CNTN6: variants seen among roughly 807,000 people sequenced by gnomAD.
CNTN6 encodes contactin 6.
CNTN6 carries 137 observed loss-of-function variants against 122.8 expected under a neutral mutation model. The observed-to-expected ratio is 1.12, with a 90% CI of 0.97 to 1.29. The LOEUF (loss-of-function observed/expected upper bound fraction) is 1.29. Among genes scored for constraint, CNTN6 ranks in the 50% most tolerant of loss-of-function variants. CNTN6 has a pLI of 0.00. For synonymous variants in CNTN6, 570 were observed against 426.0 expected (o/e 1.34, Z -4.16); for missense variants, 1,634 against 1,223.4 (o/e 1.34, Z -5.01).
At chr3:1,342,098 A>T (rs1215781194) in intron 11 of CNTN6, among the ~76,000 whole-genome samples, 1 of 152,042 alleles carries the variant, frequency 6.6e-6, no homozygotes, top group Non-Finnish European at 1.5e-5. Context: ...AAAAAAAAGT[A>T]ACATAAAAGT....
intron 4 of CNTN6, among the ~76,000 whole-genome samples, chr3:1,274,949 A>AC (rs1692046348): frequency 6.6e-6 from 1 of 152,032 alleles, no homozygotes; most frequent in South Asian, 2.1e-4. Flanking sequence ...TTCCCAAATG[A>AC]CCACCCAACG....
chr3:1,298,168 A>T, intron 7 of CNTN6, 177 bp downstream of exon 7: 1 of 549,406 alleles, frequency 1.8e-6, no homozygotes, highest in East Asian at 3.0e-5. Flanking sequence ...TGAGACAATG[A>T]CCAGGCCTGT....
intron 4 of CNTN6, among the ~76,000 whole-genome samples, chr3:1,254,028 A>G (rs1248606984): frequency 6.6e-6 from 1 of 152,200 alleles, no homozygotes; most frequent in East Asian, 1.9e-4. Context: ...ATTTTTCTTT[A>G]AAATTTTTAA....
Position 1,367,530 on chromosome 3 carries a change from A to G in CNTN6, c.1493-4769A>G, listed in dbSNP as rs890452307. Among the ~76,000 whole-genome samples the G allele has an allele frequency of 5.9e-5, 9 of 151,852 alleles. No individual in the cohort carries two copies. In the East Asian group the frequency reaches 1.4e-3, roughly 23 times the overall value. On this transcript the variant is annotated intron_variant, in intron 12 of 22. Coordinates refer to ENST00000446702, the MANE Select transcript of CNTN6 (RefSeq NM_001289080.2). ...TTACCTCTCAATTTGTGTTTTGTAC[A>G]TACTAAACACAAATTGAGAGGTAAA...
At chr3:1,315,730 C>T (rs1182001475) in intron 7 of CNTN6, among the ~76,000 whole-genome samples, 1 of 151,916 alleles carries the variant, frequency 6.6e-6, no homozygotes, top group Non-Finnish European at 1.5e-5. Context: ...AGAAAAAGGT[C>T]CTCCACACCC....
At chr3:1,282,338 A>T (rs1693610899) in intron 5 of CNTN6, among the ~76,000 whole-genome samples, 1 of 152,240 alleles carries the variant, frequency 6.6e-6, no homozygotes, top group South Asian at 2.1e-4. Context: ...CGGAAAGGTT[A>T]TTCTAGCAGA....
At chr3:1,370,631 C>G (rs1357701720) in intron 12 of CNTN6, among the ~76,000 whole-genome samples, 5 of 152,062 alleles carry the variant, frequency 3.3e-5, no homozygotes, top group African/African-American at 1.2e-4. Flanking sequence ...AGGTGGATCA[C>G]TTGATGTCAG....
At chr3:1,177,882 T>C (rs932134711) in intron 2 of CNTN6, among the ~76,000 whole-genome samples, 8 of 147,788 alleles carry the variant, frequency 5.4e-5, no homozygotes, top group African/African-American at 2.0e-4. Context: ...TTTCTTAAAC[T>C]CCCCCTGCCC....
intron 2 of CNTN6, among the ~76,000 whole-genome samples, chr3:1,172,364 CAAGA>C (rs147043469): frequency 0.015 from 2,312 of 152,182 alleles, 56 homozygotes; most frequent in African/African-American, 0.051. Flanking sequence ...AGGAGGAAAA[CAAGA>C]AAGAAGGGAA....
intron 11 of CNTN6, among the ~76,000 whole-genome samples, chr3:1,341,651 G>A (rs1407765450): frequency 1.3e-5 from 2 of 152,110 alleles, no homozygotes; most frequent in Non-Finnish European, 2.9e-5. Context: ...TGTTTGTGTT[G>A]CGTCAGCCAC....
chr3:1,329,840 T>C lies in CNTN6; in HGVS notation c.1269T>C (p.Val423=), dbSNP rs1702042090. 6.2e-7 allele frequency: 1 copy of C among 1,610,766 alleles called. No homozygotes were observed. The highest frequency in any genetic ancestry group is 1.7e-5 in the Admixed American group (1 of 59,662). The change falls in exon 11 of 23, where the codon GTT becomes GTC. Residue 423 remains valine, a synonymous_variant. Transcript: ENST00000446702. ...TTAAAAAAAAGTCTTTTGTTCAAGT[T>C]GGTGGGGATATTGTTATCGGATGCA... ...SPVKKKSFVQ[V]GGDIVIGCKP...
rs114226674 is a variant in CNTN6, at chr3:1,292,403, A to G, written c.455-3198A>G. ...ATCTCTTGATAAACTTGATATTTTTAATTCCTCTTTCAATAATGGGTGCTC... is the reference window on the plus strand; with the variant it reads ...ATCTCTTGATAAACTTGATATTTTTGATTCCTCTTTCAATAATGGGTGCTC... On this transcript the variant is annotated intron_variant, in intron 5 of 22. Transcript: ENST00000446702. 4.5e-3 allele frequency among the ~76,000 whole-genome samples: 679 copies of G among 152,096 alleles called. 5 individuals carry two copies. The highest frequency in any genetic ancestry group is 0.016 in the African/African-American group (652 of 41,486).
intron 1 of CNTN6, among the ~76,000 whole-genome samples, chr3:1,143,215 C>A (rs1040317598): frequency 6.6e-6 from 1 of 151,796 alleles, no homozygotes; most frequent in African/African-American, 2.4e-5. Flanking sequence ...TTTTTAATTG[C>A]AAGAAAAGTG....
intron 12 of CNTN6, among the ~76,000 whole-genome samples, chr3:1,353,823 ATCT>A (rs143789683): frequency 0.028 from 4,315 of 151,786 alleles, 220 homozygotes; most frequent in African/African-American, 0.099. Context: ...TTGCAGTTAA[ATCT>A]TCTAGGTATG....
At chr3:1,167,354 G>GTTAC (rs2093274935) in intron 2 of CNTN6, among the ~76,000 whole-genome samples, 1 of 152,110 alleles carries the variant, frequency 6.6e-6, no homozygotes, top group Admixed American at 6.6e-5. Context: ...TTACCTAGGT[G>GTTAC]TTACCTTCCT....
intron 2 of CNTN6, among the ~76,000 whole-genome samples, chr3:1,155,740 T>C (rs72999817): frequency 0.16 from 24,391 of 152,084 alleles, 2,946 homozygotes; most frequent in African/African-American, 0.32. Flanking sequence ...AGATGTATTT[T>C]TTTATTCCTT....
chr3:1,220,858 C>G, intron 3 of CNTN6, 45 bp downstream of exon 3: 2 of 1,549,684 alleles, frequency 1.3e-6, no homozygotes, highest in Non-Finnish European at 1.7e-6. Context: ...TTCTTCCTCA[C>G]TGAACCAAAA....
chr3:1,362,045 A>T (rs1707539038), intron 12 of CNTN6, among the ~76,000 whole-genome samples: 1 of 152,148 alleles, frequency 6.6e-6, no homozygotes, highest in Non-Finnish European at 1.5e-5. Flanking sequence ...TAAGCAGCTC[A>T]ACCTTGAGTC....
intron 2 of CNTN6, chr3:1,173,412 AT>A (rs981579924): frequency 3.1e-5 from 12 of 384,730 alleles, no homozygotes; most frequent in African/African-American, 2.5e-4. Context: ...GAATTATTTC[AT>A]TTAATCCTCA....
Sources: allele counts gnomAD v4.1 joint callset (sites outside exome capture counted in the v4.1 genomes callset), GRCh38; gene constraint gnomAD v4.1.1; transcripts MANE v1.5; gene names NCBI Gene and HGNC (gene_info 2026-07-23, HGNC 2026-07-21).